Variants in HECW1 observed in about 807,000 individuals in gnomAD.
The protein encoded by HECW1 is HECT, C2 and WW domain containing E3 ubiquitin protein ligase 1.
In HECW1, 61 loss-of-function variants were observed where a neutral mutation model predicts 182.3. The ratio of observed to expected loss-of-function variants is 0.33; its 90% CI spans 0.27 to 0.41. The LOEUF is 0.41. Ranked by LOEUF, HECW1 falls within the 10% of genes least tolerant of loss-of-function variation. The probability of loss-of-function intolerance (pLI) is 1.00; values close to 1 mark genes in which losing one functional copy is unlikely to be tolerated. For synonymous variants in HECW1, 859 were observed against 832.6 expected, an observed-to-expected ratio of 1.03 and a Z score of -0.55; for missense variants, 1,739 against 2,108.9, an observed-to-expected ratio of 0.82 and a Z score of 3.44.
intron 3 of HECW1, among the ~76,000 whole-genome samples, chr7:43,296,455 C>T (rs1226760597): frequency 1.3e-5 from 2 of 152,168 alleles, no homozygotes; most frequent in East Asian, 3.9e-4. Flanking sequence ...GACAGTGAGG[C>T]CCCTGGTTCA....
At chr7:43,217,482 C>T (rs1255283842) in intron 2 of HECW1, among the ~76,000 whole-genome samples, 3 of 152,176 alleles carry the variant, frequency 2.0e-5, no homozygotes, top group Non-Finnish European at 4.4e-5. Flanking sequence ...ATGAGAGATA[C>T]TGTTGCTGCT....
At chr7:43,438,312 T>G (rs1166394244) in intron 9 of HECW1, 167 bp downstream of exon 9, 2 of 566,830 alleles carry the variant, frequency 3.5e-6, no homozygotes, top group Admixed American at 3.5e-5. Context: ...ACATAAGTGT[T>G]TGTTATATTA....
At position 43,468,903 on chromosome 7, in the gene HECW1, G is replaced by T; in HGVS notation, c.2914-17G>T. 4.3e-6 allele frequency: 7 copies of T among 1,613,488 alleles called. No homozygotes were observed. The highest frequency in any genetic ancestry group is 1.1e-5 in the South Asian group (1 of 91,038). ...TAATTCCCCACTCCTTACCCCGTCC[G>T]CCCTGACCTGTCTCAGAGTGCCTAC... On this transcript the variant is annotated splice_polypyrimidine_tract_variant and intron_variant, in intron 15 of 29. Transcript: ENST00000395891.
At chr7:43,558,720 G>A (rs1229551133) in intron 29 of HECW1, among the ~76,000 whole-genome samples, 1 of 152,126 alleles carries the variant, frequency 6.6e-6, no homozygotes, top group Non-Finnish European at 1.5e-5. Context: ...GACCTACAAA[G>A]GAGGCCTGAG....
At chr7:43,549,434 C>T (rs570176965) in intron 26 of HECW1, among the ~76,000 whole-genome samples, 18 of 152,220 alleles carry the variant, frequency 1.2e-4, no homozygotes, top group Admixed American at 1.2e-3. Flanking sequence ...TTCTTTAAAC[C>T]AGTAACTAAG....
At chr7:43,397,375 C>T (rs1584762861) in intron 7 of HECW1, among the ~76,000 whole-genome samples, 1 of 152,122 alleles carries the variant, frequency 6.6e-6, no homozygotes. Context: ...AGTAAGTTAA[C>T]GTTTTAGTTT....
At chr7:43,518,148 G>A (rs2080250467) in intron 24 of HECW1, among the ~76,000 whole-genome samples, 1 of 152,170 alleles carries the variant, frequency 6.6e-6, no homozygotes, top group African/African-American at 2.4e-5. Flanking sequence ...GAAACCTTGA[G>A]TGGTAGAGAC....
intron 5 of HECW1, among the ~76,000 whole-genome samples, chr7:43,357,413 T>C (rs1359201894): frequency 6.6e-6 from 1 of 152,164 alleles, no homozygotes; most frequent in Non-Finnish European, 1.5e-5. Flanking sequence ...TCATTTGCAG[T>C]AACATGGATG....
At chr7:43,516,835 C>T (rs912932408) in intron 24 of HECW1, among the ~76,000 whole-genome samples, 1 of 152,198 alleles carries the variant, frequency 6.6e-6, no homozygotes, top group Non-Finnish European at 1.5e-5. Flanking sequence ...TCCTGGGCAA[C>T]AAACCTGCAC....
chr7:43,394,698 A>G (rs187934053), intron 6 of HECW1, among the ~76,000 whole-genome samples: 5 of 152,338 alleles, frequency 3.3e-5, no homozygotes, highest in Admixed American at 3.3e-4. Context: ...AAGGAATTCC[A>G]ATGAGACTGT....
At chr7:43,228,798 A>G (rs2152707642) in intron 2 of HECW1, among the ~76,000 whole-genome samples, 1 of 152,374 alleles carries the variant, frequency 6.6e-6, no homozygotes. Flanking sequence ...TATAAAAGGC[A>G]TCCATTAAAA....
chr7:43,232,021 C>CAAAAAAAAA (rs34791514), intron 2 of HECW1, among the ~76,000 whole-genome samples: 1 of 71,368 alleles, frequency 1.4e-5, no homozygotes, highest in Admixed American at 1.7e-4. Flanking sequence ...GACTCCATCT[C>CAAAAAAAAA]AAAAAAAAAA....
chr7:43,487,028 T>G (rs2078671920), intron 17 of HECW1, among the ~76,000 whole-genome samples: 1 of 152,234 alleles, frequency 6.6e-6, no homozygotes, highest in Non-Finnish European at 1.5e-5. Flanking sequence ...ATCTCTCTTT[T>G]GTTTCCTTAA....
chr7:43,114,517 G>A, intron 2 of HECW1, 126 bp downstream of exon 2: 1 of 832,216 alleles, frequency 1.2e-6, no homozygotes, highest in Non-Finnish European at 1.7e-6. Flanking sequence ...GATTGTGGTA[G>A]AATTCCCTGT....
At position 43,565,178 on chromosome 7, in the gene HECW1, T is replaced by C. The variant is rs767065253; in HGVS notation, c.*3252T>C. ...TGATTCTGTGAGGTCAGGAGAAGTATTCTAAATCTACTGAACTCTTTGTAA... is the reference window on the plus strand; with the variant it reads ...TGATTCTGTGAGGTCAGGAGAAGTACTCTAAATCTACTGAACTCTTTGTAA... On this transcript the variant is annotated 3_prime_UTR_variant, in exon 30 of 30. Coordinates refer to ENST00000395891, the MANE Select transcript of HECW1 (RefSeq NM_015052.5). 6.4e-5 allele frequency: 13 copies of C among 201,920 alleles called. No homozygotes were observed. Among genetic ancestry groups the C allele is most frequent in the Non-Finnish European group, 1.3e-4 (13 of 98,222 alleles). The allele number at this position is 201,920 out of a possible 1,614,324, so 12.5% of individuals were successfully genotyped here. A position where few individuals can be genotyped will look rare whatever the true frequency, so the allele number is the denominator to read the frequency against.
At chr7:43,282,473 C>T (rs1804043443) in intron 3 of HECW1, among the ~76,000 whole-genome samples, 1 of 152,228 alleles carries the variant, frequency 6.6e-6, no homozygotes, top group Non-Finnish European at 1.5e-5. Flanking sequence ...TCAGTGTTCA[C>T]AGGCTGTCTC....
chr7:43,153,549 A>G (rs1789571898), intron 2 of HECW1, among the ~76,000 whole-genome samples: 2 of 152,150 alleles, frequency 1.3e-5, no homozygotes, highest in Non-Finnish European at 2.9e-5. Flanking sequence ...TCTTGTCAGC[A>G]TCTGTTTTCT....
In HECW1 at chr7:43,242,315, C is replaced by T. The variant is rs181211014; in HGVS notation, c.-31-1560C>T. ...GAGTGGGAGAGGGAGGTTTGGACCA[C>T]GCTGGAGGAGGCAGAAATGGTGAGA... On this transcript the variant is annotated intron_variant, in intron 2 of 29. Transcript: ENST00000395891. 2.2e-3 allele frequency among the ~76,000 whole-genome samples: 330 copies of T among 152,118 alleles called. 1 individual carries two copies. Among genetic ancestry groups the T allele is most frequent in the African/African-American group, 7.7e-3 (318 of 41,498 alleles).
At chr7:43,312,768 T>G (rs1311969005) in intron 4 of HECW1, among the ~76,000 whole-genome samples, 1 of 152,276 alleles carries the variant, frequency 6.6e-6, no homozygotes, top group Non-Finnish European at 1.5e-5. Flanking sequence ...GGATTGGTTT[T>G]GAAAATCTTA....
Sources: allele counts gnomAD v4.1 joint callset (sites outside exome capture counted in the v4.1 genomes callset), GRCh38; gene constraint gnomAD v4.1.1; transcripts MANE v1.5; gene names NCBI Gene and HGNC (gene_info 2026-07-23, HGNC 2026-07-21).